Variants in RPL31 observed in about 807,000 individuals in gnomAD.
RPL31 encodes ribosomal protein L31, also known as large ribosomal subunit protein eL31.
For synonymous variants in RPL31, 51 were observed against 55.0 expected (o/e 0.93, Z 0.32); for missense variants, 95 against 164.0 (o/e 0.58, Z 2.30).
At position 101,006,064 on chromosome 2, in the gene RPL31, T is replaced by G; in HGVS notation, c.339T>G (p.Thr113=). The G allele has an allele frequency of 1.2e-6, 2 of 1,613,070 alleles. No individual in the cohort carries two copies. The highest frequency in any genetic ancestry group is 1.7e-6 in the Non-Finnish European group (2 of 1,179,692). ...YTLVTYVPVT[T]FKNLQTVNVD... ...TGGTTACCTATGTACCTGTTACCAC[T>G]TTCAAAAGTAAGTTCTCCATCCCAT... is the stretch of plus-strand genomic sequence containing the variant. The change falls in exon 4 of 5, where the codon ACT becomes ACG. Residue 113 remains threonine (T), a synonymous_variant. Coordinates refer to ENST00000264258, the MANE Select transcript of RPL31 (RefSeq NM_000993.5).
At chr2:101,013,914 T>A (rs982668634) in intron 4 of RPL31, among the ~76,000 whole-genome samples, 5 of 152,214 alleles carry the variant, frequency 3.3e-5, no homozygotes, top group African/African-American at 1.2e-4. Context: ...TCCATAGTGG[T>A]TGGAAACAGC....
downstream of RPL31, among the ~76,000 whole-genome samples, chr2:101,009,708 A>T (rs1274612257): frequency 2.6e-5 from 4 of 152,200 alleles, no homozygotes; most frequent in Non-Finnish European, 4.4e-5. Flanking sequence ...CTAATCCCAC[A>T]AGATGTTTTG....
downstream of RPL31, among the ~76,000 whole-genome samples, chr2:101,010,466 T>C (rs181472188): frequency 1.2e-4 from 19 of 152,344 alleles, no homozygotes; most frequent in Non-Finnish European, 2.5e-4. Context: ...GCGATTTGAA[T>C]ATCTGAAGTA....
At chr2:101,019,190 G>A (rs776656456) in exon 5 of RPL31, 16 of 995,730 alleles carry the variant, frequency 1.6e-5, no homozygotes, top group Non-Finnish European at 2.2e-5. Context: ...CACGGCCGGG[G>A]TTTCAACAAG....
intron 4 of RPL31, 57 bp downstream of exon 4, chr2:101,006,128 T>G (rs1462250914): frequency 1.1e-5 from 18 of 1,581,672 alleles, no homozygotes; most frequent in Non-Finnish European, 1.5e-5. Context: ...TCCTTACCTC[T>G]TAAAATGTGA....
downstream of RPL31, chr2:101,007,938 A>C (rs1295090936): frequency 1.2e-6 from 2 of 1,613,928 alleles, no homozygotes; most frequent in Non-Finnish European, 1.7e-6. Context: ...GTGGCTTTTC[A>C]AAAAAGTTGA....
chr2:101,014,691 T>G (rs1249390918), intron 4 of RPL31, among the ~76,000 whole-genome samples: 1 of 152,188 alleles, frequency 6.6e-6, no homozygotes, highest in Non-Finnish European at 1.5e-5. Context: ...CTCAGTTTCT[T>G]GGGTTCCAGC....
At chr2:101,007,901 C>G, downstream of RPL31, 1 of 1,614,000 alleles carries the variant, frequency 6.2e-7, no homozygotes, top group Non-Finnish European at 8.5e-7. Flanking sequence ...TTGATCTTGG[C>G]ATTTTCAAGT....
intron 4 of RPL31, chr2:101,017,842 A>G: frequency 1.3e-6 from 2 of 1,550,728 alleles, no homozygotes; most frequent in Middle Eastern, 1.7e-4. Flanking sequence ...AAGCAGCTAC[A>G]TGCAATTCCC....
chr2:101,019,153 C>T, exon 5 of RPL31: 1 of 1,435,268 alleles, frequency 7.0e-7, no homozygotes, highest in East Asian at 2.5e-5. Context: ...TCCCATATTA[C>T]CCTGGCAGAG....
chr2:101,009,134 C>T (rs968010174), downstream of RPL31, among the ~76,000 whole-genome samples: 2 of 152,176 alleles, frequency 1.3e-5, no homozygotes, highest in Admixed American at 6.5e-5. Flanking sequence ...TGGCTCATGC[C>T]TGTAATCCCA....
At chr2:101,004,380 T>C (rs531153152) in intron 3 of RPL31, 97 bp downstream of exon 3, 98 of 1,347,920 alleles carry the variant, frequency 7.3e-5, no homozygotes, top group Non-Finnish European at 9.1e-5. Context: ...ATTTGGTTAA[T>C]GCATGTGGAA....
chr2:101,010,881 CAA>C (rs35511736), downstream of RPL31: 21,082 of 1,270,646 alleles, frequency 0.017, no homozygotes, highest in Middle Eastern at 0.019. Flanking sequence ...GACTCCATCT[CAA>C]AAAAAAAAAA....
At chr2:101,015,122 A>G (rs766160445) in intron 4 of RPL31, among the ~76,000 whole-genome samples, 11 of 152,230 alleles carry the variant, frequency 7.2e-5, no homozygotes, top group Non-Finnish European at 1.3e-4. Flanking sequence ...TGTTGTTCCT[A>G]GGCTACAAAC....
exon 5 of RPL31, chr2:101,019,629 A>G (rs1335752580): frequency 1.3e-5 from 2 of 152,338 alleles, no homozygotes; most frequent in East Asian, 3.8e-4. Context: ...CACAGTATGA[A>G]TATCACAATC....
Position 101,007,093 on chromosome 2 carries a change from G to T in RPL31, c.*712G>T, listed in dbSNP as rs1471562406. 1 of 152,232 alleles carries T rather than the reference G, an allele frequency of 6.6e-6. No homozygotes were observed. Among genetic ancestry groups the T allele is most frequent in the Middle Eastern group, 3.2e-3 (1 of 316 alleles). The allele number at this position is 152,232 out of a possible 1,614,324, so 9.4% of individuals were successfully genotyped here. A position where few individuals can be genotyped will look rare whatever the true frequency, so the allele number is the denominator to read the frequency against. On this transcript the variant is annotated 3_prime_UTR_variant, in exon 5 of 5. Coordinates refer to ENST00000264258, the MANE Select transcript of RPL31 (RefSeq NM_000993.5). ...AAGCCGTAGGGCACACCCAAGGCAG[G>T]GCTGAGAAGTACCTAGTAGTGTTGC...
chr2:101,010,549 A>G (rs1679124202), downstream of RPL31, among the ~76,000 whole-genome samples: 1 of 152,086 alleles, frequency 6.6e-6, no homozygotes, highest in Non-Finnish European at 1.5e-5. Flanking sequence ...TTTGCAGGTA[A>G]AGGGGCCCAA....
At chr2:101,012,978 C>T (rs888590669) in intron 4 of RPL31, among the ~76,000 whole-genome samples, 1 of 152,150 alleles carries the variant, frequency 6.6e-6, no homozygotes, top group African/African-American at 2.4e-5. Context: ...CTGGGGCAGT[C>T]AGGATGGAAA....
intron 4 of RPL31, among the ~76,000 whole-genome samples, chr2:101,018,711 C>T (rs1679835347): frequency 6.6e-6 from 1 of 152,182 alleles, no homozygotes; most frequent in Non-Finnish European, 1.5e-5. Flanking sequence ...TAGGTTTGCT[C>T]AGTATACAAA....
Sources: gnomAD v4.1 joint callset for allele counts (sites outside exome capture counted in the v4.1 genomes callset) on GRCh38, gnomAD v4.1.1 for gene constraint, MANE v1.5 for transcripts, NCBI Gene and HGNC (gene_info 2026-07-23, HGNC 2026-07-21) for gene names.